MMP26: variants seen among roughly 807,000 people sequenced by gnomAD.
MMP26 encodes the protein matrix metalloproteinase-26.
In MMP26, 33 loss-of-function variants were observed where a neutral mutation model predicts 31.0. The observed-to-expected ratio is 1.06, with a 90% CI of 0.81 to 1.42. The LOEUF is 1.42. Ranked by LOEUF, MMP26 falls within the 40% of genes most tolerant of loss-of-function variation. The probability of loss-of-function intolerance (pLI) is 0.00; values close to 1 mark genes in which losing one functional copy is unlikely to be tolerated. For synonymous variants in MMP26, 122 were observed against 114.9 expected, an observed-to-expected ratio of 1.06 and a Z score of -0.40; for missense variants, 347 against 316.1, an observed-to-expected ratio of 1.10 and a Z score of -0.74.
intron 2 of MMP26, among the ~76,000 whole-genome samples, chr11:4,858,780 A>G: frequency 6.6e-6 from 1 of 152,192 alleles, no homozygotes; most frequent in East Asian, 1.9e-4. Context: ...TCCTAAGCCA[A>G]AAAACAAAGC....
chr11:4,710,347 T>C (rs569558659), intron 1 of MMP26: 2 of 456,884 alleles, frequency 4.4e-6, no homozygotes, highest in Admixed American at 4.7e-5. Context: ...ATGATCAGTT[T>C]GTCACCAGTG....
At chr11:4,802,289 C>T (rs1320530213) in intron 2 of MMP26, among the ~76,000 whole-genome samples, 1 of 152,146 alleles carries the variant, frequency 6.6e-6, no homozygotes, top group Admixed American at 6.6e-5. Context: ...ATTCTATCCC[C>T]ACCTTTTGGC....
intron 2 of MMP26, among the ~76,000 whole-genome samples, chr11:4,932,644 C>A (rs1323945641): frequency 6.6e-6 from 1 of 152,106 alleles, no homozygotes; most frequent in African/African-American, 2.4e-5. Flanking sequence ...CTGCTGAGCT[C>A]TGCACAAATT....
intron 2 of MMP26, among the ~76,000 whole-genome samples, chr11:4,886,876 C>T (rs185177578): frequency 7.2e-4 from 109 of 151,704 alleles, no homozygotes; most frequent in African/African-American, 2.5e-3. Context: ...GTTATTTAAT[C>T]AGAGAATTTT....
intron 2 of MMP26, among the ~76,000 whole-genome samples, chr11:4,852,800 A>G (rs930872855): frequency 1.3e-5 from 2 of 152,196 alleles, no homozygotes; most frequent in Middle Eastern, 3.2e-3. Context: ...ATAATAGCCA[A>G]GATATGGAAA....
At chr11:4,715,752 C>T (rs117332496) in intron 1 of MMP26, among the ~76,000 whole-genome samples, 1 of 152,256 alleles carries the variant, frequency 6.6e-6, no homozygotes, top group Non-Finnish European at 1.5e-5. Context: ...TAAAAGGGCT[C>T]TAAAGATTTC....
At chr11:4,744,102 A>G (rs999090649) in intron 1 of MMP26, among the ~76,000 whole-genome samples, 1 of 152,108 alleles carries the variant, frequency 6.6e-6, no homozygotes, top group African/African-American at 2.4e-5. Context: ...GCCTAGCAGG[A>G]CTATTCTTAC....
intron 2 of MMP26, among the ~76,000 whole-genome samples, chr11:4,918,556 A>G (rs988151720): frequency 6.6e-5 from 10 of 152,304 alleles, no homozygotes; most frequent in African/African-American, 2.4e-4. Context: ...CCAGTTCGCC[A>G]GAGAGTTCTT....
chr11:4,723,418 A>C, intron 1 of MMP26: 1 of 1,006,190 alleles, frequency 9.9e-7, no homozygotes, highest in Non-Finnish European at 1.6e-6. Context: ...AGTGTTGTCC[A>C]TGTCCAGGGA....
chr11:4,938,461 AAAAAAAAGAAAAC>A (rs1846160039), intron 2 of MMP26, among the ~76,000 whole-genome samples: 1 of 151,992 alleles, frequency 6.6e-6, no homozygotes, highest in Non-Finnish European at 1.5e-5. Context: ...GACTGAAAAA[AAAAAAAAGAAAAC>A]AAAAAGAAAG....
At chr11:4,753,091 G>C (rs970478500) in intron 1 of MMP26, 11 of 152,002 alleles carry the variant, frequency 7.2e-5, no homozygotes, top group Non-Finnish European at 1.2e-4. Flanking sequence ...TAAAACTTTA[G>C]AGTACAGCTC....
chr11:4,882,000 GC>G (rs779000268), intron 2 of MMP26: 1 of 1,613,812 alleles, frequency 6.2e-7, no homozygotes, highest in Non-Finnish European at 8.5e-7. Context: ...ATTCCAGTCT[GC>G]TGTCTCTACA....
chr11:4,978,480 T>G (rs2133638332), intron 2 of MMP26, among the ~76,000 whole-genome samples: 1 of 152,240 alleles, frequency 6.6e-6, no homozygotes, highest in Non-Finnish European at 1.5e-5. Context: ...GTACAATATT[T>G]TTACCTCTAG....
At chr11:4,970,168 T>C (rs560942089) in intron 2 of MMP26, among the ~76,000 whole-genome samples, 2 of 152,334 alleles carry the variant, frequency 1.3e-5, no homozygotes, top group East Asian at 3.9e-4. Flanking sequence ...TTATATAAAG[T>C]AGTTCTTATC....
At chr11:4,849,041 G>C (rs146540688) in intron 2 of MMP26, 2 of 1,613,972 alleles carry the variant, frequency 1.2e-6, no homozygotes, top group Non-Finnish European at 1.7e-6. Flanking sequence ...GCAGGGCAAT[G>C]ATCCAGAGGA....
chr11:4,861,366 T>C (rs1298083509), intron 2 of MMP26, among the ~76,000 whole-genome samples: 5 of 150,810 alleles, frequency 3.3e-5, no homozygotes, highest in Admixed American at 6.6e-5. Context: ...GTATATACGA[T>C]AGGATAGGTA....
In MMP26 at chr11:4,923,304, C is replaced by T; in HGVS notation, c.-144-64764C>T. 2.7e-6 allele frequency: 4 copies of T among 1,468,334 alleles called. No homozygotes were observed. The South Asian group carries it at 5.6e-5, about 21-fold the overall frequency. The allele number at this position is 1,468,334 out of a possible 1,614,324, so 91.0% of individuals were successfully genotyped here. On this transcript the variant is annotated intron_variant, in intron 2 of 7. Coordinates refer to ENST00000380390, the MANE Select transcript of MMP26 (RefSeq NM_021801.5). Reference sequence around the variant, plus strand: ...TGACAGTCAACGGTTTATTATTTTGCCACAGCACAGCTGAAAACAAACAGA... The same window carrying T: ...TGACAGTCAACGGTTTATTATTTTGTCACAGCACAGCTGAAAACAAACAGA...
At chr11:4,991,584 T>G (rs1847003645) in intron 6 of MMP26, 88 bp downstream of exon 6, 5 of 1,530,392 alleles carry the variant, frequency 3.3e-6, no homozygotes, top group Non-Finnish European at 4.4e-6. Flanking sequence ...TCCAGAGTGG[T>G]CAGGGTGAGG....
chr11:4,804,373 A>AGCACCATGG, intron 2 of MMP26: 1 of 1,613,736 alleles, frequency 6.2e-7, no homozygotes, highest in South Asian at 1.1e-5. Context: ...CCCTGAAGCC[A>AGCACCATGG]GCACCATGGA....
Sources: gnomAD v4.1 joint callset for allele counts (sites outside exome capture counted in the v4.1 genomes callset) on GRCh38, gnomAD v4.1.1 for gene constraint, MANE v1.5 for transcripts, NCBI Gene and HGNC (gene_info 2026-07-23, HGNC 2026-07-21) for gene names.